Variants in PRKG1 observed in about 807,000 individuals in gnomAD.
The protein encoded by PRKG1 is cGMP-dependent protein kinase 1.
Under a neutral mutation model 88.1 loss-of-function variants are expected in PRKG1, and 35 were observed. The ratio of observed to expected loss-of-function variants is 0.40; its 90% CI spans 0.30 to 0.53. PRKG1 has a LOEUF of 0.53. Among genes scored for constraint, PRKG1 ranks in the 20% least tolerant of loss-of-function variants. The pLI, the probability that PRKG1 is intolerant of heterozygous loss-of-function variation, is 0.59. For missense variants in PRKG1, 540 were observed against 839.8 expected (o/e 0.64, Z 4.41); for synonymous variants, 303 against 292.5 (o/e 1.04, Z -0.37).
intron 2 of PRKG1, among the ~76,000 whole-genome samples, chr10:51,363,021 T>G (rs1489673091): frequency 1.3e-5 from 2 of 151,910 alleles, no homozygotes; most frequent in Non-Finnish European, 2.9e-5. Flanking sequence ...GAATTACCTG[T>G]AGTGCCTTTT....
intron 3 of PRKG1, among the ~76,000 whole-genome samples, chr10:51,608,110 A>G (rs1302398997): frequency 6.6e-6 from 1 of 152,206 alleles, no homozygotes; most frequent in Non-Finnish European, 1.5e-5. Flanking sequence ...CTTAATGCCA[A>G]TTTATGGTAG....
intron 5 of PRKG1, among the ~76,000 whole-genome samples, chr10:51,981,863 A>T (rs917129103): frequency 2.0e-5 from 3 of 152,068 alleles, no homozygotes. Flanking sequence ...TGGCCTCTCT[A>T]GCTGGGTTGG....
At chr10:51,734,399 G>C (rs1484422435) in intron 3 of PRKG1, among the ~76,000 whole-genome samples, 1 of 152,132 alleles carries the variant, frequency 6.6e-6, no homozygotes, top group African/African-American at 2.4e-5. Context: ...TTAAATATGA[G>C]AGATATTGTT....
intron 4 of PRKG1, among the ~76,000 whole-genome samples, chr10:51,831,515 A>G (rs1470585205): frequency 6.6e-6 from 1 of 152,194 alleles, no homozygotes; most frequent in Non-Finnish European, 1.5e-5. Context: ...AAAAGCAAGA[A>G]AGAATAAAAG....
intron 10 of PRKG1, among the ~76,000 whole-genome samples, chr10:52,254,127 C>G (rs1241934674): frequency 6.6e-6 from 1 of 151,974 alleles, no homozygotes; most frequent in Non-Finnish European, 1.5e-5. Flanking sequence ...TTGGCCTCAT[C>G]ACTTTGCCCA....
At chr10:51,003,465 A>G (rs1378473651) in intron 1 of PRKG1, among the ~76,000 whole-genome samples, 5 of 152,176 alleles carry the variant, frequency 3.3e-5, no homozygotes, top group Admixed American at 3.3e-4. Flanking sequence ...GAGCAATTAG[A>G]AAAAGAAGAA....
intron 7 of PRKG1, among the ~76,000 whole-genome samples, chr10:52,099,901 G>A (rs1193437567): frequency 6.6e-6 from 1 of 152,142 alleles, no homozygotes; most frequent in Non-Finnish European, 1.5e-5. Context: ...AATGCATTTG[G>A]CACAGTGCTT....
intron 4 of PRKG1, among the ~76,000 whole-genome samples, chr10:51,871,939 A>G (rs1011373608): frequency 6.6e-6 from 1 of 152,208 alleles, no homozygotes; most frequent in Admixed American, 6.5e-5. Flanking sequence ...CACAACAAGT[A>G]GAGGGAGGAA....
intron 9 of PRKG1, among the ~76,000 whole-genome samples, chr10:52,183,295 G>A (rs963681305): frequency 4.6e-5 from 7 of 152,202 alleles, no homozygotes; most frequent in African/African-American, 1.7e-4. Context: ...CTTTTGGGCA[G>A]GACAGAGTCA....
intron 1 of PRKG1, among the ~76,000 whole-genome samples, chr10:51,054,289 T>C (rs935474839): frequency 2.0e-5 from 3 of 152,156 alleles, no homozygotes; most frequent in African/African-American, 7.2e-5. Flanking sequence ...ATAGAAGGCA[T>C]CAAGAGAATT....
intron 3 of PRKG1, among the ~76,000 whole-genome samples, chr10:51,623,279 C>A (rs1839254181): frequency 6.6e-6 from 1 of 152,196 alleles, no homozygotes. Flanking sequence ...TGGTTCACTG[C>A]AGCCTCAACC....
At chr10:51,165,063 C>T (rs1310521534) in intron 2 of PRKG1, among the ~76,000 whole-genome samples, 3 of 152,106 alleles carry the variant, frequency 2.0e-5, no homozygotes, top group Non-Finnish European at 4.4e-5. Flanking sequence ...CAAAGATACT[C>T]CTCGAGAAGA....
At chr10:51,672,907 C>T (rs910662608) in intron 3 of PRKG1, among the ~76,000 whole-genome samples, 4 of 152,202 alleles carry the variant, frequency 2.6e-5, no homozygotes, top group African/African-American at 7.2e-5. Context: ...TCCTGTTTCA[C>T]CTTTACACTG....
intron 7 of PRKG1, among the ~76,000 whole-genome samples, chr10:52,119,716 G>C (rs1460061340): frequency 1.3e-5 from 2 of 152,152 alleles, no homozygotes; most frequent in Non-Finnish European, 2.9e-5. Context: ...GTCCTGTCTT[G>C]ATCTGTTTTG....
chr10:51,674,382 G>A (rs1398957071), intron 3 of PRKG1, among the ~76,000 whole-genome samples: 1 of 151,930 alleles, frequency 6.6e-6, no homozygotes, highest in African/African-American at 2.4e-5. Context: ...CTGTGTCTAT[G>A]TGAGTGAACT....
Position 52,152,735 on chromosome 10 carries a change from G to T in PRKG1, c.1002-9154G>T, listed in dbSNP as rs921995870. Among the ~76,000 whole-genome samples the T allele has an allele frequency of 8.9e-4, 136 of 152,136 alleles. 2 individuals carry two copies. The highest frequency in any genetic ancestry group is 4.4e-4 in the Non-Finnish European group (30 of 68,026). ...TGTAAGGATGAGAGAGGAAATAAAG[G>T]AAAAGGCAGTTACAGAATTCTTCAG... On this transcript the variant is annotated intron_variant, in intron 8 of 17. Coordinates refer to ENST00000373980, the MANE Select transcript of PRKG1 (RefSeq NM_006258.4).
Position 52,244,798 on chromosome 10 carries a change from A to ATATTTAGATATATTTAAATATG in PRKG1, c.1077-6751_1077-6750insGTATTTAGATATATTTAAATAT, listed in dbSNP as rs1204222600. On this transcript the variant is annotated intron_variant, in intron 9 of 17. Transcript: ENST00000373980. Reference sequence around the variant, plus strand: ...TATACCTTAATATATATTTAAATATATATTTAGATATATTTAAATATATTT... The same window carrying ATATTTAGATATATTTAAATATG: ...TATACCTTAATATATATTTAAATATATATTTAGATATATTTAAATATGTATTTAGATATATTTAAATATATTT... Among the ~76,000 whole-genome samples, 20 of 143,788 alleles carry ATATTTAGATATATTTAAATATG rather than the reference A, an allele frequency of 1.4e-4. No homozygotes were observed. In the East Asian group the frequency reaches 3.0e-3, roughly 21 times the overall value. 94.3% of individuals were successfully genotyped at this position (143,788 alleles called of 152,430 possible). A position where few individuals can be genotyped will look rare whatever the true frequency, so the allele number is the denominator to read the frequency against.
chr10:51,088,866 G>A (rs1266570249), intron 1 of PRKG1, among the ~76,000 whole-genome samples: 5 of 147,834 alleles, frequency 3.4e-5, no homozygotes, highest in African/African-American at 5.1e-5. Context: ...CATGTTTCTG[G>A]CCCTTAGATA....
At chr10:52,133,795 G>C (rs781359167) in intron 7 of PRKG1, 45 bp from the exon 8 acceptor site, 1 of 1,501,566 alleles carries the variant, frequency 6.7e-7, no homozygotes, top group Non-Finnish European at 9.3e-7. Flanking sequence ...ACTGTGCTTT[G>C]ATATTAAAGG....
Sources: allele counts gnomAD v4.1 joint callset (sites outside exome capture counted in the v4.1 genomes callset), GRCh38; gene constraint gnomAD v4.1.1; transcripts MANE v1.5; gene names NCBI Gene and HGNC (gene_info 2026-07-23, HGNC 2026-07-21).